The following TANK variants were observed in gnomAD, a reference collection of about 807,000 sequenced individuals.
The protein encoded by TANK is TRAF family member-associated NF-kappa-B activator.
A neutral mutation model predicts 43.6 loss-of-function variants in TANK; 15 were observed. The observed-to-expected ratio is 0.34, with a 90% CI of 0.23 to 0.53. The LOEUF (loss-of-function observed/expected upper bound fraction) is 0.53, where lower values mean the gene tolerates loss of function less well. Ranked by LOEUF, TANK falls within the 20% of genes least tolerant of loss-of-function variation. The pLI is 0.94. For missense variants in TANK, 417 were observed against 498.6 expected, an observed-to-expected ratio of 0.84 and a Z score of 1.56; for synonymous variants, 162 against 178.2, an observed-to-expected ratio of 0.91 and a Z score of 0.73.
upstream of TANK, chr2:161,156,053 C>G: frequency 1.0e-6 from 1 of 982,670 alleles, no homozygotes; most frequent in Non-Finnish European, 1.2e-6. Context: ...TTCATTTTTA[C>G]AAAGTATTGT....
intron 1 of TANK, among the ~76,000 whole-genome samples, chr2:161,147,524 G>A (rs1406724692): frequency 2.0e-5 from 3 of 152,178 alleles, no homozygotes; most frequent in African/African-American, 7.2e-5. Context: ...AGGCTGGGTA[G>A]CACACTCACT....
At chr2:161,165,039 CTTTTTT>C (rs11314845) in intron 1 of TANK, among the ~76,000 whole-genome samples, 3 of 97,694 alleles carry the variant, frequency 3.1e-5, no homozygotes, top group South Asian at 3.2e-4. Flanking sequence ...AACACCAATA[CTTTTTT>C]TTTTTTTTTT....
intron 1 of TANK, chr2:161,137,181 A>C: frequency 1.0e-6 from 1 of 985,438 alleles, no homozygotes; most frequent in Non-Finnish European, 1.2e-6. Context: ...GTAATTTATG[A>C]CATGATTCAA....
intron 1 of TANK, among the ~76,000 whole-genome samples, chr2:161,167,443 C>G (rs1054345695): frequency 1.3e-5 from 2 of 151,986 alleles, no homozygotes; most frequent in African/African-American, 4.8e-5. Context: ...ATAATGGCTG[C>G]CAAAGACAAC....
intron 1 of TANK, among the ~76,000 whole-genome samples, chr2:161,152,294 T>G (rs1338025980): frequency 6.6e-6 from 1 of 152,186 alleles, no homozygotes; most frequent in Admixed American, 6.5e-5. Flanking sequence ...GTAGTCAGCC[T>G]GAAGTACTCC....
At position 161,161,413 on chromosome 2, in the gene TANK, G is replaced by A. The variant is rs1339063805; in HGVS notation, c.-50+927G>A. 2.6e-6 allele frequency: 4 copies of A among 1,550,856 alleles called. No individual in the cohort carries two copies. The South Asian group carries it at 4.8e-5, about 18-fold the overall frequency. ...GTTGGAATACACACCCAAACGAGAG[G>A]TAGCAGAGAAGCAAGCAGTGCATTC... is the stretch of plus-strand genomic sequence containing the variant. On this transcript the variant is annotated intron_variant, in intron 1 of 7. Coordinates refer to ENST00000392749, the MANE Select transcript of TANK (RefSeq NM_001199135.3).
chr2:161,213,432 G>A (rs1686979791), intron 4 of TANK, among the ~76,000 whole-genome samples: 1 of 152,004 alleles, frequency 6.6e-6, no homozygotes, highest in South Asian at 2.1e-4. Flanking sequence ...ATGAAACCCT[G>A]TCTCTACTAA....
chr2:161,170,177 G>A (rs1684880108), intron 1 of TANK, among the ~76,000 whole-genome samples: 1 of 152,164 alleles, frequency 6.6e-6, no homozygotes, highest in Non-Finnish European at 1.5e-5. Flanking sequence ...GTATTGATAG[G>A]AGGAACATCA....
At chr2:161,189,820 C>G (rs1452991248) in intron 2 of TANK, among the ~76,000 whole-genome samples, 1 of 152,064 alleles carries the variant, frequency 6.6e-6, no homozygotes, top group Non-Finnish European at 1.5e-5. Context: ...TTGCCTTTCT[C>G]CATATACAAA....
intron 4 of TANK, among the ~76,000 whole-genome samples, chr2:161,217,642 T>G (rs1265641025): frequency 2.0e-5 from 3 of 149,670 alleles, no homozygotes; most frequent in Non-Finnish European, 4.4e-5. Flanking sequence ...GTCCAAAGTT[T>G]GTAACTGTTA....
chr2:161,177,783 A>G (rs1250796084), intron 1 of TANK, among the ~76,000 whole-genome samples: 1 of 152,142 alleles, frequency 6.6e-6, no homozygotes, highest in Admixed American at 6.6e-5. Flanking sequence ...ATATTGGATA[A>G]GAGTCTAGTT....
chr2:161,161,198 AGAAGAGCT>A, intron 1 of TANK: 2 of 1,503,256 alleles, frequency 1.3e-6, no homozygotes, highest in Non-Finnish European at 1.8e-6. Context: ...GGATAATCAA[AGAAGAGCT>A]GTGCCTTTAT....
At chr2:161,213,176 C>G (rs954299831) in intron 4 of TANK, among the ~76,000 whole-genome samples, 1 of 152,136 alleles carries the variant, frequency 6.6e-6, no homozygotes, top group Non-Finnish European at 1.5e-5. Context: ...TGACCCAGAC[C>G]CCTCCCATTA....
intron 2 of TANK, among the ~76,000 whole-genome samples, chr2:161,181,673 A>G (rs1394091218): frequency 2.6e-5 from 4 of 152,118 alleles, no homozygotes; most frequent in Admixed American, 6.6e-5. Context: ...CTCATTCACT[A>G]TCACAAGAAT....
Position 161,209,865 on chromosome 2 carries a change from A to C in TANK, c.327+5072A>C, listed in dbSNP as rs546750853. On this transcript the variant is annotated intron_variant, in intron 4 of 7. Transcript: ENST00000392749. ...GGCTTAAAGTCTTGATTTAATAATT[A>C]ACATTATTGAATGTTGAAAAGTTAT... 3.9e-5 allele frequency among the ~76,000 whole-genome samples: 6 copies of C among 152,356 alleles called. No individual in the cohort carries two copies. The East Asian group carries it at 1.2e-3, about 29-fold the overall frequency.
chr2:161,174,729 T>C (rs1282711719), intron 1 of TANK, among the ~76,000 whole-genome samples: 3 of 152,150 alleles, frequency 2.0e-5, no homozygotes, highest in Non-Finnish European at 4.4e-5. Context: ...TCAGGCATCA[T>C]GGGGAAAGCT....
intron 2 of TANK, chr2:161,180,267 A>G (rs1228829104): frequency 3.2e-6 from 1 of 314,442 alleles, no homozygotes; most frequent in Non-Finnish European, 4.6e-6. Context: ...ATGACTTACT[A>G]AAGTTTCAGC....
At chr2:161,198,372 A>G (rs1001235454) in intron 2 of TANK, among the ~76,000 whole-genome samples, 3 of 152,168 alleles carry the variant, frequency 2.0e-5, no homozygotes, top group Non-Finnish European at 4.4e-5. Flanking sequence ...AGGCAACCCT[A>G]CTTCATCACA....
chr2:161,189,146 T>A (rs1443339413), intron 2 of TANK, among the ~76,000 whole-genome samples: 4 of 152,090 alleles, frequency 2.6e-5, no homozygotes, highest in Non-Finnish European at 4.4e-5. Flanking sequence ...AACAAAACAC[T>A]AGCAAATCAA....
Sources: gnomAD v4.1 joint callset for allele counts (sites outside exome capture counted in the v4.1 genomes callset) on GRCh38, gnomAD v4.1.1 for gene constraint, MANE v1.5 for transcripts, NCBI Gene and HGNC (gene_info 2026-07-23, HGNC 2026-07-21) for gene names.